The following NRXN1 variants were observed in gnomAD, a reference collection of about 807,000 sequenced individuals.
NRXN1 encodes neurexin 1, also known as neurexin-1.
NRXN1 carries 39 observed loss-of-function variants against 150.9 expected under a neutral mutation model. The ratio of observed to expected loss-of-function variants is 0.26; its 90% CI spans 0.20 to 0.34. NRXN1 has a LOEUF of 0.34. NRXN1 is among the 10% of genes least tolerant of loss of function. NRXN1 has a pLI of 1.00. For missense variants in NRXN1, 1,815 were observed against 1,949.9 expected (o/e 0.93, Z 1.30); for synonymous variants, 924 against 757.0 (o/e 1.22, Z -3.62).
chr2:50,762,999 G>T (rs2105395947), intron 5 of NRXN1, among the ~76,000 whole-genome samples: 1 of 151,866 alleles, frequency 6.6e-6, no homozygotes, highest in East Asian at 2.0e-4. Flanking sequence ...AACTAAATAG[G>T]CTACTTACCT....
rs1436964052 is a variant in NRXN1 at position 50,978,305 on chromosome 2, T to TATATAA, written c.772+49196_772+49197insTTATAT. ...ATATATATATATATATATATATATA[T>TATATAA]AAAATATATATATTATAGATAGATT... is the stretch of plus-strand genomic sequence containing the variant. On this transcript the variant is annotated intron_variant, in intron 2 of 22. Coordinates refer to ENST00000401669, the MANE Select transcript of NRXN1 (RefSeq NM_001330078.2). Among the ~76,000 whole-genome samples, 11 of 121,630 alleles carry TATATAA rather than the reference T, an allele frequency of 9.0e-5. 1 individual carries two copies. The highest frequency in any genetic ancestry group is 1.6e-4 in the Non-Finnish European group (9 of 55,674). The allele number at this position is 121,630 out of a possible 152,430, so 79.8% of individuals were successfully genotyped here.
At chr2:50,482,976 G>T (rs140653606) in intron 15 of NRXN1, among the ~76,000 whole-genome samples, 8,085 of 149,724 alleles carry the variant, frequency 0.054, 778 homozygotes, top group African/African-American at 0.19. Context: ...GCTTGAACCC[G>T]GGAGGCAGTG....
At chr2:50,138,298 G>C (rs1222673856) in intron 18 of NRXN1, among the ~76,000 whole-genome samples, 1 of 152,064 alleles carries the variant, frequency 6.6e-6, no homozygotes, top group Non-Finnish European at 1.5e-5. Flanking sequence ...ATTTTGATGA[G>C]TTGGGGGTTA....
At chr2:50,380,658 C>A (rs1000345450) in intron 17 of NRXN1, among the ~76,000 whole-genome samples, 6 of 151,944 alleles carry the variant, frequency 3.9e-5, no homozygotes, top group African/African-American at 1.5e-4. Context: ...GAAGACAGCA[C>A]GTGCCCAATA....
intron 17 of NRXN1, among the ~76,000 whole-genome samples, chr2:50,263,922 T>G (rs1476931355): frequency 6.6e-6 from 1 of 152,136 alleles, no homozygotes; most frequent in Non-Finnish European, 1.5e-5. Context: ...TGGAGATCAT[T>G]TAGCAAGTGA....
chr2:50,960,538 C>T (rs1317817862), intron 2 of NRXN1, among the ~76,000 whole-genome samples: 1 of 151,868 alleles, frequency 6.6e-6, no homozygotes, highest in Non-Finnish European at 1.5e-5. Context: ...AGTTGGTGCA[C>T]AACAAGAGAG....
intron 18 of NRXN1, among the ~76,000 whole-genome samples, chr2:50,133,967 C>T (rs1384214963): frequency 6.6e-6 from 1 of 152,140 alleles, no homozygotes; most frequent in Non-Finnish European, 1.5e-5. Context: ...GAGACCTTCT[C>T]TAAACCCCAG....
At chr2:50,623,076 T>G (rs1680328531) in intron 6 of NRXN1, among the ~76,000 whole-genome samples, 1 of 152,134 alleles carries the variant, frequency 6.6e-6, no homozygotes, top group Admixed American at 6.6e-5. Flanking sequence ...GGGATATCCT[T>G]GCAGCCCTTT....
chr2:50,623,683 G>C, intron 5 of NRXN1, 68 bp from the exon 6 acceptor site: 1 of 1,120,536 alleles, frequency 8.9e-7, no homozygotes, highest in Non-Finnish European at 1.3e-6. Context: ...GGTCTTAACA[G>C]AAACAATAGC....
chr2:50,497,265 A>T lies in NRXN1; in HGVS notation c.2879+68T>A, dbSNP rs569017972. ...AGCCAGTATGTTCTTCTTAGTGTAT[A>T]TTTTTGGAAATTGACGTCCATTTTT... is the stretch of plus-strand genomic sequence containing the variant. On this transcript the variant is annotated intron_variant, in intron 14 of 22. Transcript: ENST00000401669. The T allele has an allele frequency of 1.1e-4, 139 of 1,266,472 alleles. No individual in the cohort carries two copies. The African/African-American group carries it at 2.0e-3, about 18-fold the overall frequency. 78.5% of individuals were successfully genotyped at this position (1,266,472 alleles called of 1,614,324 possible).
At chr2:51,026,228 AT>A (rs983108842) in intron 2 of NRXN1, 2 of 643,378 alleles carry the variant, frequency 3.1e-6, no homozygotes, top group Non-Finnish European at 5.6e-6. Flanking sequence ...AGATTTAATA[AT>A]TCACCTTTTT....
intron 8 of NRXN1, among the ~76,000 whole-genome samples, chr2:50,559,954 C>CA (rs983148759): frequency 2.6e-5 from 4 of 151,950 alleles, no homozygotes; most frequent in African/African-American, 9.7e-5. Flanking sequence ...GTGCTTTCCA[C>CA]AAAAAACAAC....
intron 18 of NRXN1, among the ~76,000 whole-genome samples, chr2:50,178,887 A>C (rs75656051): frequency 0.02 from 3,011 of 152,268 alleles, 95 homozygotes; most frequent in African/African-American, 0.07. Context: ...TAGTCTGGGG[A>C]AAATGGGGAA....
chr2:50,956,457 G>A (rs979468286), intron 2 of NRXN1, among the ~76,000 whole-genome samples: 14 of 152,132 alleles, frequency 9.2e-5, no homozygotes, highest in African/African-American at 3.1e-4. Flanking sequence ...CACTTTAAAA[G>A]TAAGATTTAG....
intron 5 of NRXN1, among the ~76,000 whole-genome samples, chr2:50,651,871 C>T (rs561626820): frequency 9.2e-5 from 14 of 152,072 alleles, no homozygotes; most frequent in African/African-American, 3.4e-4. Flanking sequence ...ATAGTCTACC[C>T]AGAGTTGCAC....
intron 17 of NRXN1, among the ~76,000 whole-genome samples, chr2:50,390,847 T>C (rs2081640449): frequency 6.6e-6 from 1 of 152,102 alleles, no homozygotes; most frequent in Non-Finnish European, 1.5e-5. Context: ...CCACCAGAAC[T>C]GTAAGGAATA....
Position 50,566,025 on chromosome 2 carries a change from G to A in NRXN1, c.1321-13000C>T, listed in dbSNP as rs77480362. ...TCCTGCTGTATTCAGAAATGGGGAG[G>A]GCTGTGCTCATTAGCACAGCGATGC... On this transcript the variant is annotated intron_variant, in intron 8 of 22. Transcript: ENST00000401669. Among the ~76,000 whole-genome samples the A allele has an allele frequency of 4.1e-3, 627 of 152,126 alleles. 2 individuals carry two copies. The highest frequency in any genetic ancestry group is 0.014 in the African/African-American group (568 of 41,502).
intron 21 of NRXN1, among the ~76,000 whole-genome samples, chr2:49,964,697 T>G (rs1438715663): frequency 6.6e-6 from 1 of 150,548 alleles, no homozygotes; most frequent in Non-Finnish European, 1.5e-5. Flanking sequence ...AAAAATTAGC[T>G]GGACATGGTG....
At chr2:50,644,017 T>A (rs1252280988) in intron 5 of NRXN1, among the ~76,000 whole-genome samples, 1 of 151,738 alleles carries the variant, frequency 6.6e-6, no homozygotes, top group Non-Finnish European at 1.5e-5. Context: ...GTTTTTTTTG[T>A]TTGTTTGTTT....
Sources: gnomAD v4.1 joint callset for allele counts (sites outside exome capture counted in the v4.1 genomes callset) on GRCh38, gnomAD v4.1.1 for gene constraint, MANE v1.5 for transcripts, NCBI Gene and HGNC (gene_info 2026-07-23, HGNC 2026-07-21) for gene names.